ELAVL4: variants seen among roughly 807,000 people sequenced by gnomAD.
ELAVL4 encodes the protein ELAV like RNA binding protein 4, also known as ELAV-like protein 4.
A neutral mutation model predicts 35.6 loss-of-function variants in ELAVL4; 1 was observed. That is an observed-to-expected ratio of 0.03 (90% CI 0.01 to 0.13). ELAVL4 has a LOEUF of 0.13. ELAVL4 is among the 10% of genes least tolerant of loss of function. ELAVL4 has a pLI of 1.00. For missense variants in ELAVL4, 267 were observed against 464.9 expected, an observed-to-expected ratio of 0.57 and a Z score of 3.91; for synonymous variants, 156 against 171.0, an observed-to-expected ratio of 0.91 and a Z score of 0.69.
At chr1:50,092,470 A>C (rs2148506291) in intron 1 of ELAVL4, among the ~76,000 whole-genome samples, 1 of 152,372 alleles carries the variant, frequency 6.6e-6, no homozygotes, top group Non-Finnish European at 1.5e-5. Flanking sequence ...CTGAGCTAAA[A>C]GTAAAAGAAG....
chr1:50,165,417 A>G (rs1220828877), intron 2 of ELAVL4, among the ~76,000 whole-genome samples: 1 of 149,680 alleles, frequency 6.7e-6, no homozygotes, highest in Non-Finnish European at 1.5e-5. Flanking sequence ...AAGGACAAGA[A>G]CTAACAGGAG....
intron 2 of ELAVL4, among the ~76,000 whole-genome samples, chr1:50,150,948 T>C (rs1039337999): frequency 6.6e-6 from 1 of 152,244 alleles, no homozygotes; most frequent in African/African-American, 2.4e-5. Context: ...CTTATTTAAA[T>C]AATAAATCAA....
chr1:50,160,917 A>C (rs1676692121), intron 2 of ELAVL4, among the ~76,000 whole-genome samples: 1 of 152,254 alleles, frequency 6.6e-6, no homozygotes, highest in South Asian at 2.1e-4. Context: ...TGGGAGTTTT[A>C]GAAGCCATTG....
At chr1:50,164,135 C>CA (rs764950335) in intron 2 of ELAVL4, among the ~76,000 whole-genome samples, 31 of 152,032 alleles carry the variant, frequency 2.0e-4, no homozygotes, top group Non-Finnish European at 3.8e-4. Context: ...AATGCGTGCT[C>CA]AAAAAATATT....
intron 1 of ELAVL4, among the ~76,000 whole-genome samples, chr1:50,066,215 G>GAT (rs961098335): frequency 1.3e-5 from 2 of 152,234 alleles, no homozygotes; most frequent in Admixed American, 6.5e-5. Context: ...AGATTACAAA[G>GAT]ACCTTTTGCC....
intron 1 of ELAVL4, among the ~76,000 whole-genome samples, chr1:50,065,531 G>T (rs946830436): frequency 2.0e-5 from 3 of 152,022 alleles, no homozygotes; most frequent in African/African-American, 7.2e-5. Context: ...AATTTATTGT[G>T]AGAAACAAAT....
rs1428904925 is a variant in ELAVL4, at chr1:50,166,104, T to A, written c.251-10985T>A. Among the ~76,000 whole-genome samples the A allele has an allele frequency of 2.0e-5, 3 of 152,070 alleles. No homozygotes were observed. In the East Asian group the frequency reaches 5.8e-4, roughly 29 times the overall value. On this transcript the variant is annotated intron_variant, in intron 2 of 6. Transcript: ENST00000371824. ...GTGCCCACTAGATTAAGGGTGGATC[T>A]GCCTTTGTTAATCTCTTTTGGCAAC...
chr1:50,084,341 A>G (rs1242712011), intron 1 of ELAVL4, among the ~76,000 whole-genome samples: 1 of 152,172 alleles, frequency 6.6e-6, no homozygotes, highest in Non-Finnish European at 1.5e-5. Flanking sequence ...AAGGTTAAAT[A>G]ATTGTCCTGC....
rs1351329797 is a variant in ELAVL4, at chr1:50,048,151, G to A, written c.-14G>A. ...AGCCTCCGCAGCCTCGGGCCGGATCGCCCGGCGGGGAAGATGCGCCTCAAG... is the reference window on the plus strand; with the variant it reads ...AGCCTCCGCAGCCTCGGGCCGGATCACCCGGCGGGGAAGATGCGCCTCAAG... On this transcript the variant is annotated 5_prime_UTR_variant, in exon 1 of 7. Coordinates refer to the ELAVL4 transcript ENST00000448907. 2.6e-6 allele frequency: 4 copies of A among 1,520,480 alleles called. No homozygotes were observed. In the African/African-American group the frequency reaches 4.3e-5, roughly 16 times the overall value. 94.2% of individuals were successfully genotyped at this position (1,520,480 alleles called of 1,614,324 possible). A position where few individuals can be genotyped will look rare whatever the true frequency, so the allele number is the denominator to read the frequency against.
chr1:50,164,563 A>T (rs1285953995), intron 2 of ELAVL4, among the ~76,000 whole-genome samples: 2 of 152,180 alleles, frequency 1.3e-5, no homozygotes, highest in Non-Finnish European at 2.9e-5. Flanking sequence ...TGGGAAGCCT[A>T]GGTGGAAGGA....
chr1:50,092,245 C>T (rs188920316), intron 1 of ELAVL4, among the ~76,000 whole-genome samples: 1 of 152,178 alleles, frequency 6.6e-6, no homozygotes, highest in East Asian at 1.9e-4. Flanking sequence ...ATGGTAAGTT[C>T]TTCCTTAGAA....
intron 2 of ELAVL4, among the ~76,000 whole-genome samples, chr1:50,173,958 C>T (rs915639636): frequency 1.3e-5 from 2 of 152,158 alleles, no homozygotes; most frequent in Non-Finnish European, 1.5e-5. Context: ...TCTTGGTCCC[C>T]ATAGAAAAAG....
upstream of ELAVL4, among the ~76,000 whole-genome samples, chr1:50,107,194 C>G (rs191348443): frequency 6.6e-6 from 1 of 152,306 alleles, no homozygotes; most frequent in East Asian, 1.9e-4. Context: ...GTACACAGTT[C>G]AACAGATACT....
At chr1:50,148,482 C>T (rs1266327735) in intron 2 of ELAVL4, among the ~76,000 whole-genome samples, 1 of 152,144 alleles carries the variant, frequency 6.6e-6, no homozygotes, top group Non-Finnish European at 1.5e-5. Flanking sequence ...ACTGAAAATG[C>T]CAGTTTTAAG....
At chr1:50,153,639 G>T (rs773004725) in intron 2 of ELAVL4, among the ~76,000 whole-genome samples, 7 of 152,214 alleles carry the variant, frequency 4.6e-5, no homozygotes, top group African/African-American at 4.8e-5. Context: ...TAGATTGTAG[G>T]AGACCAGTCC....
intron 1 of ELAVL4, among the ~76,000 whole-genome samples, chr1:50,095,596 C>T (rs372774207): frequency 6.6e-6 from 1 of 152,066 alleles, no homozygotes; most frequent in African/African-American, 2.4e-5. Flanking sequence ...ACTAATGTCA[C>T]TGCCTATATA....
chr1:50,174,617 T>C lies in ELAVL4; in HGVS notation c.251-2472T>C, dbSNP rs549771757. On this transcript the variant is annotated intron_variant, in intron 2 of 6. Transcript: ENST00000371824. ...TCAGGAACTAAGGTGATGGTGGATTTGGGACTGATAGAAGCAGGTGGCTTG... is the reference window on the plus strand; with the variant it reads ...TCAGGAACTAAGGTGATGGTGGATTCGGGACTGATAGAAGCAGGTGGCTTG... 11 of 152,264 alleles carry C rather than the reference T, an allele frequency of 7.2e-5. No individual in the cohort carries two copies. The East Asian group carries it at 2.1e-3, about 29-fold the overall frequency. 9.4% of individuals were successfully genotyped at this position (152,264 alleles called of 1,614,324 possible).
intron 2 of ELAVL4, among the ~76,000 whole-genome samples, chr1:50,152,631 G>A (rs1416804681): frequency 6.6e-6 from 1 of 152,174 alleles, no homozygotes; most frequent in African/African-American, 2.4e-5. Context: ...CTTCTGTGAG[G>A]TGTAGTAGTG....
At chr1:50,165,666 GTA>G (rs1677697570) in intron 2 of ELAVL4, among the ~76,000 whole-genome samples, 1 of 146,422 alleles carries the variant, frequency 6.8e-6, no homozygotes, top group African/African-American at 2.5e-5. Flanking sequence ...GTGTATATAT[GTA>G]TATGTGTGCA....
Sources: allele counts gnomAD v4.1 joint callset (sites outside exome capture counted in the v4.1 genomes callset), GRCh38; gene constraint gnomAD v4.1.1; transcripts MANE v1.5; gene names NCBI Gene and HGNC (gene_info 2026-07-23, HGNC 2026-07-21).